EPSTI1: variants seen among roughly 807,000 people sequenced by gnomAD.
EPSTI1 encodes the protein epithelial-stromal interaction protein 1.
Under a neutral mutation model 49.9 loss-of-function variants are expected in EPSTI1, and 66 were observed. The ratio of observed to expected loss-of-function variants is 1.32; its 90% CI spans 1.08 to 1.62. The LOEUF (loss-of-function observed/expected upper bound fraction) is 1.62. EPSTI1 is among the 40% of genes most tolerant of loss of function. The pLI, the probability that EPSTI1 is intolerant of heterozygous loss-of-function variation, is 0.00. For missense variants in EPSTI1, 394 were observed against 365.5 expected (o/e 1.08, Z -0.64); for synonymous variants, 137 against 130.7 (o/e 1.05, Z -0.33).
Position 42,895,037 on chromosome 13 carries a change from C to G in EPSTI1, c.887G>C (p.Cys296Ser). The G allele has an allele frequency of 6.2e-7, 1 of 1,612,894 alleles. No individual in the cohort carries two copies. The highest frequency in any genetic ancestry group is 8.5e-7 in the Non-Finnish European group (1 of 1,179,476). ...GCTGTTACCGCTATTCATATTCCAACAGCCTCCAGATTGCTCGAGGCCACC... is the reference window on the plus strand; with the variant it reads ...GCTGTTACCGCTATTCATATTCCAAGAGCCTCCAGATTGCTCGAGGCCACC... Reference protein sequence around the residue: ...QPGGLEQSGGCWNMNSGNSWG... With the variant: ...QPGGLEQSGGSWNMNSGNSWG... The change falls in exon 10 of 11, where the codon TGT (cysteine) becomes TCT (serine). Residue 296 changes from cysteine (C) to serine (S), a missense_variant. By Grantham distance (112) the Cys-to-Ser change is moderately radical. Transcript: ENST00000313624.
intron 9 of EPSTI1, among the ~76,000 whole-genome samples, chr13:42,898,559 T>G (rs932190721): frequency 1.3e-5 from 2 of 152,148 alleles, no homozygotes. Flanking sequence ...TTATTGGATC[T>G]ATTTAAGTAG....
intron 3 of EPSTI1, 66 bp from the exon 4 acceptor site, chr13:42,964,205 C>A: frequency 8.2e-7 from 1 of 1,218,446 alleles, no homozygotes; most frequent in Non-Finnish European, 1.2e-6. Context: ...CCATCGAGGA[C>A]TAATTAATAT....
chr13:42,943,586 C>T (rs770560962), intron 6 of EPSTI1, among the ~76,000 whole-genome samples: 1 of 152,220 alleles, frequency 6.6e-6, no homozygotes, highest in Non-Finnish European at 1.5e-5. Context: ...CCCAGATCCC[C>T]TGCCCTCCCA....
At chr13:42,892,145 A>T (rs763470416) in intron 10 of EPSTI1, among the ~76,000 whole-genome samples, 11 of 152,048 alleles carry the variant, frequency 7.2e-5, no homozygotes, top group Non-Finnish European at 1.6e-4. Flanking sequence ...GAAGAAGGAG[A>T]GCAGCAGGAG....
chr13:42,890,645 T>C (rs1457896990), intron 10 of EPSTI1, among the ~76,000 whole-genome samples: 2 of 152,196 alleles, frequency 1.3e-5, no homozygotes, highest in Non-Finnish European at 2.9e-5. Context: ...TGGTTGGATC[T>C]TTTTATTAGA....
At chr13:42,892,201 G>A (rs111839820) in intron 10 of EPSTI1, among the ~76,000 whole-genome samples, 4 of 152,348 alleles carry the variant, frequency 2.6e-5, no homozygotes, top group South Asian at 2.1e-4. Flanking sequence ...CACCTGGTAA[G>A]CTGCTGGAAG....
chr13:42,986,765 A>C (rs886607238), intron 1 of EPSTI1, among the ~76,000 whole-genome samples: 8 of 151,460 alleles, frequency 5.3e-5, no homozygotes, highest in African/African-American at 1.9e-4. Flanking sequence ...AAAAAAAAAA[A>C]AAAAAACAAC....
At chr13:42,892,492 G>C (rs2037066634) in intron 10 of EPSTI1, among the ~76,000 whole-genome samples, 2 of 152,194 alleles carry the variant, frequency 1.3e-5, no homozygotes, top group African/African-American at 4.8e-5. Flanking sequence ...CTGTGTGGGT[G>C]TGAGAGAGGG....
At chr13:42,908,484 G>GA (rs140923122) in intron 8 of EPSTI1, among the ~76,000 whole-genome samples, 1,995 of 113,228 alleles carry the variant, frequency 0.018, 48 homozygotes, top group African/African-American at 0.057. Context: ...ACTCTGTTAT[G>GA]AAAAAAAAAA....
intron 5 of EPSTI1, among the ~76,000 whole-genome samples, chr13:42,958,671 C>T (rs535630450): frequency 7.2e-5 from 11 of 152,234 alleles, no homozygotes; most frequent in Admixed American, 3.9e-4. Context: ...TTAAGGCTGG[C>T]AACCTTTATT....
chr13:42,917,408 C>G, intron 8 of EPSTI1, 133 bp downstream of exon 8: 1 of 850,386 alleles, frequency 1.2e-6, no homozygotes, highest in Non-Finnish European at 1.9e-6. Context: ...AGAAACTCAC[C>G]TTTTATTTTC....
At chr13:42,908,291 G>A (rs1326538335) in intron 8 of EPSTI1, among the ~76,000 whole-genome samples, 1 of 152,140 alleles carries the variant, frequency 6.6e-6, no homozygotes, top group African/African-American at 2.4e-5. Flanking sequence ...TTTGAGACCA[G>A]CCTGGCCAAT....
intron 6 of EPSTI1, among the ~76,000 whole-genome samples, chr13:42,941,825 T>C (rs2153425681): frequency 6.6e-6 from 1 of 152,054 alleles, no homozygotes; most frequent in Non-Finnish European, 1.5e-5. Context: ...AGTCAGTATT[T>C]ATAAAGAATA....
At chr13:42,951,448 ACT>A (rs1257069543) in intron 6 of EPSTI1, among the ~76,000 whole-genome samples, 1 of 152,202 alleles carries the variant, frequency 6.6e-6, no homozygotes, top group African/African-American at 2.4e-5. Context: ...TTTTAGCCAA[ACT>A]CTGTTTTTCC....
At chr13:42,899,610 G>A (rs141113887) in intron 9 of EPSTI1, among the ~76,000 whole-genome samples, 2 of 152,142 alleles carry the variant, frequency 1.3e-5, no homozygotes, top group Non-Finnish European at 2.9e-5. Flanking sequence ...ACTATCAAAA[G>A]AATTTGTCCC....
chr13:42,915,683 TA>T (rs1374911009), intron 8 of EPSTI1, among the ~76,000 whole-genome samples: 1 of 152,194 alleles, frequency 6.6e-6, no homozygotes, highest in East Asian at 1.9e-4. Flanking sequence ...ATTTGTATAT[TA>T]AAGCTATTAA....
At chr13:42,914,801 C>G (rs1485746358) in intron 8 of EPSTI1, among the ~76,000 whole-genome samples, 1 of 151,996 alleles carries the variant, frequency 6.6e-6, no homozygotes, top group East Asian at 1.9e-4. Flanking sequence ...CCTACTGTCA[C>G]CAACTGTGGC....
chr13:42,967,289 T>TAAAAAAAAAAAAAAAA (rs747737457), intron 3 of EPSTI1, among the ~76,000 whole-genome samples: 1 of 28,542 alleles, frequency 3.5e-5, no homozygotes, highest in Non-Finnish European at 7.7e-5. Flanking sequence ...AAAAATAAAT[T>TAAAAAAAAAAAAAAAA]AAAAAAAAAA....
At chr13:42,950,974 T>C (rs1383473842) in intron 6 of EPSTI1, among the ~76,000 whole-genome samples, 1 of 152,084 alleles carries the variant, frequency 6.6e-6, no homozygotes, top group Admixed American at 6.6e-5. Context: ...CTGGCCAACA[T>C]GGTGAAACCC....
Sources: gnomAD v4.1 joint callset for allele counts (sites outside exome capture counted in the v4.1 genomes callset) on GRCh38, gnomAD v4.1.1 for gene constraint, MANE v1.5 for transcripts, NCBI Gene and HGNC (gene_info 2026-07-23, HGNC 2026-07-21) for gene names.